Variants in IL1RAPL2 observed in about 807,000 individuals in gnomAD.
IL1RAPL2 encodes the protein X-linked interleukin-1 receptor accessory protein-like 2.
IL1RAPL2 carries 3 observed loss-of-function variants against 44.1 expected under a neutral mutation model. That is an observed-to-expected ratio of 0.07 (90% CI 0.03 to 0.18). The LOEUF (loss-of-function observed/expected upper bound fraction) is 0.18. Among genes scored for constraint, IL1RAPL2 ranks in the 10% least tolerant of loss-of-function variants. The pLI is 1.00. For missense variants in IL1RAPL2, 391 were observed against 496.4 expected (o/e 0.79, Z 2.02); for synonymous variants, 181 against 178.8 (o/e 1.01, Z -0.10).
At chrX:105,268,932 G>A (rs1210334870) in intron 5 of IL1RAPL2, among the ~76,000 whole-genome samples, 2 of 33 alleles carry the variant, frequency 0.061, no homozygotes, top group Non-Finnish European at 0.12. Context: ...ACATCTTGTT[G>A]TATAACCTTA....
chrX:105,099,218 C>T (rs1054755950), intron 2 of IL1RAPL2, among the ~76,000 whole-genome samples: 7 of 111,307 alleles, frequency 6.3e-5, no homozygotes, highest in African/African-American at 2.0e-4. Flanking sequence ...TACAGTAGTT[C>T]CCCATTGTAT....
chrX:105,227,509 A>G (rs1305151204), intron 3 of IL1RAPL2, among the ~76,000 whole-genome samples: 1 of 112,336 alleles, frequency 8.9e-6, no homozygotes, highest in Admixed American at 9.4e-5. Context: ...AGTTCATTCA[A>G]TAGATCCTGT....
At chrX:104,703,864 C>A (rs1050994878) in intron 2 of IL1RAPL2, among the ~76,000 whole-genome samples, 16 of 112,190 alleles carry the variant, frequency 1.4e-4, no homozygotes, top group Non-Finnish European at 2.6e-4. Flanking sequence ...AAACCTTCAA[C>A]ATTACACTGC....
chrX:105,459,233 A>G (rs1342199817), intron 5 of IL1RAPL2, among the ~76,000 whole-genome samples: 1 of 110,688 alleles, frequency 9.0e-6, no homozygotes, highest in East Asian at 2.8e-4. Flanking sequence ...TTCAACATAG[A>G]ATAAATGTGT....
At chrX:105,161,003 G>A (rs141640007) in intron 2 of IL1RAPL2, among the ~76,000 whole-genome samples, 3,319 of 111,308 alleles carry the variant, frequency 0.03, 153 homozygotes, top group African/African-American at 0.1. Context: ...ACTTTGGAAG[G>A]CCAAGGTGGG....
At chrX:105,303,934 C>G (rs1328697637) in intron 5 of IL1RAPL2, among the ~76,000 whole-genome samples, 8 of 112,599 alleles carry the variant, frequency 7.1e-5, no homozygotes. Flanking sequence ...TCACCAGATT[C>G]AGAAGACATC....
At chrX:104,628,702 G>C (rs1367636176) in intron 1 of IL1RAPL2, among the ~76,000 whole-genome samples, 1 of 111,686 alleles carries the variant, frequency 9.0e-6, no homozygotes, top group Admixed American at 9.5e-5. Context: ...TTAGATATTT[G>C]AGAAATCTCC....
At chrX:105,233,754 A>G (rs1878643312) in intron 3 of IL1RAPL2, 64 bp from the exon 4 acceptor site, 15 of 929,517 alleles carry the variant, frequency 1.6e-5, no homozygotes, top group Non-Finnish European at 2.3e-5. Flanking sequence ...CTTGAAATAT[A>G]TAGAGCACAA....
rs752648517 is a variant in IL1RAPL2 at position 105,035,881 on chromosome X, A to G, written c.83-159594A>G. Among the ~76,000 whole-genome samples the G allele has an allele frequency of 8.0e-5, 9 of 112,433 alleles. No individual in the cohort carries two copies. The South Asian group carries it at 1.5e-3, about 18-fold the overall frequency. ...TATTCTCCACTTAAGTTTGCTGAGC[A>G]TCTTTTCTTTATTCTCCTTAGTACA... On this transcript the variant is annotated intron_variant, in intron 2 of 10. Coordinates refer to ENST00000372582, the MANE Select transcript of IL1RAPL2 (RefSeq NM_017416.2).
At chrX:104,582,728 T>C (rs867855401) in intron 1 of IL1RAPL2, among the ~76,000 whole-genome samples, 5 of 92,501 alleles carry the variant, frequency 5.4e-5, no homozygotes, top group Admixed American at 2.3e-4. Context: ...TTTCTCTCTC[T>C]CTCCCTTCCT....
chrX:105,158,883 T>A (rs2033295716), intron 2 of IL1RAPL2, among the ~76,000 whole-genome samples: 1 of 111,451 alleles, frequency 9.0e-6, no homozygotes, highest in African/African-American at 3.3e-5. Context: ...TCTCTTTCTG[T>A]CTCGGCATTC....
At chrX:104,945,659 C>A (rs754969963) in intron 2 of IL1RAPL2, among the ~76,000 whole-genome samples, 5 of 111,960 alleles carry the variant, frequency 4.5e-5, no homozygotes, top group Non-Finnish European at 7.5e-5. Flanking sequence ...CTTTTACATG[C>A]ACCCAAAGTG....
At chrX:105,101,538 C>G (rs1397136095) in intron 2 of IL1RAPL2, among the ~76,000 whole-genome samples, 1 of 111,746 alleles carries the variant, frequency 8.9e-6, no homozygotes, top group Non-Finnish European at 1.9e-5. Flanking sequence ...TTACCAGTAT[C>G]TACTTGGTCT....
At chrX:105,484,153 A>G (rs1288422143) in intron 5 of IL1RAPL2, among the ~76,000 whole-genome samples, 160 bp from the exon 6 acceptor site, 2 of 111,987 alleles carry the variant, frequency 1.8e-5, no homozygotes, top group Non-Finnish European at 3.8e-5. Context: ...TGGATATTGT[A>G]TGGATAGAGT....
intron 2 of IL1RAPL2, among the ~76,000 whole-genome samples, chrX:104,875,432 C>G (rs775011751): frequency 1.8e-5 from 2 of 111,311 alleles, no homozygotes; most frequent in East Asian, 2.8e-4. Flanking sequence ...AATTAAAATA[C>G]AATATGAAAA....
intron 2 of IL1RAPL2, among the ~76,000 whole-genome samples, chrX:105,191,499 G>A (rs1374393111): frequency 8.9e-6 from 1 of 112,146 alleles, no homozygotes; most frequent in Non-Finnish European, 1.9e-5. Context: ...ACAGCTGTGA[G>A]CCACTGCACC....
chrX:104,875,205 T>C (rs1272217258), intron 2 of IL1RAPL2, among the ~76,000 whole-genome samples: 2 of 111,789 alleles, frequency 1.8e-5, no homozygotes. Context: ...CTTCTTTTTG[T>C]TTCTTCTTGT....
At chrX:105,603,970 T>C (rs2037273851) in intron 6 of IL1RAPL2, among the ~76,000 whole-genome samples, 1 of 110,000 alleles carries the variant, frequency 9.1e-6, no homozygotes, top group Non-Finnish European at 1.9e-5. Flanking sequence ...CAAATATAAA[T>C]AGAAACACAG....
At chrX:105,708,511 T>C (rs1045012399) in intron 6 of IL1RAPL2, among the ~76,000 whole-genome samples, 3 of 111,841 alleles carry the variant, frequency 2.7e-5, no homozygotes, top group African/African-American at 9.7e-5. Context: ...AGTTGTGATC[T>C]TATTAGTAAG....
Sources: gnomAD v4.1 joint callset for allele counts (sites outside exome capture counted in the v4.1 genomes callset) on GRCh38, gnomAD v4.1.1 for gene constraint, MANE v1.5 for transcripts, NCBI Gene and HGNC (gene_info 2026-07-23, HGNC 2026-07-21) for gene names.